EYA1: variants seen among roughly 807,000 people sequenced by gnomAD.
EYA1 encodes the protein protein phosphatase EYA1.
In EYA1, 16 loss-of-function variants were observed where a neutral mutation model predicts 82.0. That is an observed-to-expected ratio of 0.20 (90% CI 0.13 to 0.30). The LOEUF is 0.30. Among genes scored for constraint, EYA1 ranks in the 10% least tolerant of loss-of-function variants. The pLI is 1.00. For missense variants in EYA1, 633 were observed against 730.7 expected, an observed-to-expected ratio of 0.87 and a Z score of 1.54; for synonymous variants, 261 against 264.4, an observed-to-expected ratio of 0.99 and a Z score of 0.12.
At chr8:71,491,016 C>T (rs1247302696) in intron 2 of EYA1, among the ~76,000 whole-genome samples, 1 of 151,952 alleles carries the variant, frequency 6.6e-6, no homozygotes, top group African/African-American at 2.4e-5. Context: ...AATGAATAAA[C>T]CAATGATTGG....
chr8:71,503,943 G>T (rs755829633), intron 2 of EYA1, among the ~76,000 whole-genome samples: 13 of 152,118 alleles, frequency 8.5e-5, no homozygotes, highest in Non-Finnish European at 1.5e-4. Flanking sequence ...TGAGTCGCTG[G>T]AATGGTGGGG....
chr8:71,544,562 C>A (rs2129294262), intron 1 of EYA1, among the ~76,000 whole-genome samples: 1 of 152,242 alleles, frequency 6.6e-6, no homozygotes, highest in Middle Eastern at 3.4e-3. Flanking sequence ...TCTTCTGCAC[C>A]AACACAATAT....
chr8:71,305,042 G>C (rs1440769016), intron 7 of EYA1, among the ~76,000 whole-genome samples: 1 of 142,970 alleles, frequency 7.0e-6, no homozygotes, highest in African/African-American at 2.5e-5. Context: ...GATAAGACAT[G>C]ACCAGGATAA....
At chr8:71,354,552 A>G (rs1210015536) in intron 3 of EYA1, among the ~76,000 whole-genome samples, 1 of 152,240 alleles carries the variant, frequency 6.6e-6, no homozygotes, top group Non-Finnish European at 1.5e-5. Flanking sequence ...ACATGTGTAT[A>G]TATGTATATG....
At chr8:71,322,810 T>C (rs1382726292) in intron 4 of EYA1, among the ~76,000 whole-genome samples, 1 of 152,204 alleles carries the variant, frequency 6.6e-6, no homozygotes, top group Admixed American at 6.5e-5. Context: ...TTAGTAAAAA[T>C]GCGTTCCTAT....
intron 2 of EYA1, among the ~76,000 whole-genome samples, chr8:71,484,248 T>G (rs35829180): frequency 0.13 from 20,453 of 152,226 alleles, 1,686 homozygotes; most frequent in Non-Finnish European, 0.18. Flanking sequence ...ATAAGCATAG[T>G]CTGTGTAAAA....
intron 7 of EYA1, among the ~76,000 whole-genome samples, chr8:71,302,462 A>G (rs1048679533): frequency 6.6e-6 from 1 of 152,082 alleles, no homozygotes; most frequent in Non-Finnish European, 1.5e-5. Flanking sequence ...CCAAGACTGT[A>G]CATTAGCTGG....
At chr8:71,322,853 G>C (rs1441123675) in intron 4 of EYA1, among the ~76,000 whole-genome samples, 1 of 152,160 alleles carries the variant, frequency 6.6e-6, no homozygotes, top group Non-Finnish European at 1.5e-5. Flanking sequence ...TGCAAGCTAA[G>C]CCTGTTTTTT....
At chr8:71,450,104 C>G (rs900874344) in intron 2 of EYA1, among the ~76,000 whole-genome samples, 1 of 152,212 alleles carries the variant, frequency 6.6e-6, no homozygotes, top group African/African-American at 2.4e-5. Flanking sequence ...CTCTCCATAT[C>G]AGCAATAGGC....
chr8:71,246,924 A>C, intron 11 of EYA1, among the ~76,000 whole-genome samples: 1 of 142,878 alleles, frequency 7.0e-6, no homozygotes, highest in African/African-American at 2.6e-5. Flanking sequence ...CCCCTCCAGC[A>C]CTCCCCACCC....
intron 9 of EYA1, among the ~76,000 whole-genome samples, chr8:71,295,364 C>T (rs753831131): frequency 1.3e-5 from 2 of 152,100 alleles, no homozygotes; most frequent in Admixed American, 6.5e-5. Flanking sequence ...ACAAAGAACT[C>T]CTAAAACCCA....
intron 2 of EYA1, among the ~76,000 whole-genome samples, chr8:71,496,361 T>TG (rs1431742673): frequency 1.3e-5 from 2 of 152,240 alleles, no homozygotes; most frequent in Non-Finnish European, 2.9e-5. Flanking sequence ...CATTGTATTA[T>TG]GGGTCTTTGC....
intron 2 of EYA1, among the ~76,000 whole-genome samples, chr8:71,387,870 T>A (rs1829053295): frequency 6.6e-6 from 1 of 152,026 alleles, no homozygotes; most frequent in Admixed American, 6.6e-5. Context: ...TGGAGAACAA[T>A]TAGGGTGAGT....
chr8:71,512,543 T>C (rs1202793398), intron 2 of EYA1, among the ~76,000 whole-genome samples: 1 of 151,490 alleles, frequency 6.6e-6, no homozygotes, highest in African/African-American at 2.4e-5. Flanking sequence ...ATAGAATAAA[T>C]ATGAATGAAA....
At chr8:71,455,618 AAATAT>A (rs1461670078) in intron 2 of EYA1, among the ~76,000 whole-genome samples, 1 of 152,216 alleles carries the variant, frequency 6.6e-6, no homozygotes, top group Non-Finnish European at 1.5e-5. Context: ...AGAAATCAAT[AAATAT>A]AATCCAGCAT....
chr8:71,543,304 GT>G (rs1815297294), intron 1 of EYA1, among the ~76,000 whole-genome samples: 1 of 152,196 alleles, frequency 6.6e-6, no homozygotes, highest in Non-Finnish European at 1.5e-5. Context: ...AGGTTGGGGG[GT>G]GATGAACTGC....
At chr8:71,483,128 T>C (rs1324664732) in intron 2 of EYA1, among the ~76,000 whole-genome samples, 1 of 152,176 alleles carries the variant, frequency 6.6e-6, no homozygotes, top group Non-Finnish European at 1.5e-5. Context: ...AATAACCAGA[T>C]TTGGCCACTC....
chr8:71,294,479 A>C (rs78632145), intron 9 of EYA1, among the ~76,000 whole-genome samples: 39 of 152,220 alleles, frequency 2.6e-4, no homozygotes, highest in Non-Finnish European at 5.1e-4. Flanking sequence ...AACAAAAAAA[A>C]CACACCATTA....
intron 2 of EYA1, among the ~76,000 whole-genome samples, chr8:71,468,618 A>C (rs1381244927): frequency 6.6e-6 from 1 of 152,122 alleles, no homozygotes; most frequent in African/African-American, 2.4e-5. Context: ...ACCACAATAA[A>C]AGATATTTGT....
Sources: allele counts gnomAD v4.1 joint callset (sites outside exome capture counted in the v4.1 genomes callset), GRCh38; gene constraint gnomAD v4.1.1; transcripts MANE v1.5; gene names NCBI Gene and HGNC (gene_info 2026-07-23, HGNC 2026-07-21).